IGF1R: variants seen among roughly 807,000 people sequenced by gnomAD.
IGF1R encodes insulin-like growth factor 1 receptor.
In IGF1R, 44 loss-of-function variants were observed where a neutral mutation model predicts 144.6. The ratio of observed to expected loss-of-function variants is 0.30; its 90% CI spans 0.24 to 0.39. IGF1R has a LOEUF of 0.39. IGF1R is among the 10% of genes least tolerant of loss of function. The pLI is 1.00. For synonymous variants in IGF1R, 795 were observed against 722.8 expected (o/e 1.10, Z -1.60); for missense variants, 1,355 against 1,833.7 (o/e 0.74, Z 4.77).
At chr15:98,723,143 T>C (rs904994848) in intron 2 of IGF1R, among the ~76,000 whole-genome samples, 3 of 151,966 alleles carry the variant, frequency 2.0e-5, no homozygotes, top group African/African-American at 4.8e-5. Context: ...ATGAGTTTCG[T>C]ACATGTTTAG....
intron 1 of IGF1R, among the ~76,000 whole-genome samples, chr15:98,657,926 G>A (rs1036900085): frequency 2.0e-5 from 3 of 152,190 alleles, no homozygotes; most frequent in Admixed American, 6.5e-5. Flanking sequence ...GCCTGGTCCA[G>A]TGCAGACCTG....
intron 8 of IGF1R, among the ~76,000 whole-genome samples, chr15:98,915,673 C>T (rs28612945): frequency 0.18 from 26,744 of 152,196 alleles, 2,471 homozygotes; most frequent in Non-Finnish European, 0.2. Context: ...TAGATTTTCA[C>T]ATTGTCTCTT....
chr15:98,680,845 G>T lies in IGF1R; in HGVS notation c.95-26717G>T, dbSNP rs2053168461. Among the ~76,000 whole-genome samples the T allele has an allele frequency of 2.0e-5, 3 of 148,510 alleles. No individual in the cohort carries two copies. The South Asian group carries it at 6.4e-4, about 32-fold the overall frequency. ...CCTCTGAAGTGCTGAGATTATAGGT[G>T]TGAGCCTGGCCATATGTACTTTTTT... On this transcript the variant is annotated intron_variant, in intron 1 of 20. Transcript: ENST00000650285.
intron 5 of IGF1R, among the ~76,000 whole-genome samples, chr15:98,901,803 G>A: frequency 6.6e-6 from 1 of 152,196 alleles, no homozygotes; most frequent in Non-Finnish European, 1.5e-5. Context: ...AAAACTTGAG[G>A]AAAGCAGAGG....
chr15:98,876,149 T>C (rs542791508), intron 2 of IGF1R, among the ~76,000 whole-genome samples: 4 of 152,270 alleles, frequency 2.6e-5, no homozygotes, highest in East Asian at 1.9e-4. Flanking sequence ...CCCAGATGTT[T>C]CCTAATTAAT....
chr15:98,663,966 C>T (rs1330434968), intron 1 of IGF1R, among the ~76,000 whole-genome samples: 1 of 152,198 alleles, frequency 6.6e-6, no homozygotes, highest in Non-Finnish European at 1.5e-5. Context: ...GAAGCAATTG[C>T]CCATCCTTAG....
In IGF1R at chr15:98,961,896, G is replaced by A. The variant is rs779922726; in HGVS notation, c.*4454G>A. The stretch of plus-strand genomic sequence containing the variant: ...TTAAGATGCGGAGTCACATTTCAAT[G>A]GTACGAAAAGTGGCTTCGTAAAATA... On this transcript the variant is annotated 3_prime_UTR_variant, in exon 21 of 21. Coordinates refer to ENST00000650285, the MANE Select transcript of IGF1R (RefSeq NM_000875.5). The A allele has an allele frequency of 8.6e-6, 2 of 233,306 alleles. No individual in the cohort carries two copies. Among genetic ancestry groups the A allele is most frequent in the Non-Finnish European group, 8.5e-6 (1 of 118,056 alleles). The allele number at this position is 233,306 out of a possible 1,614,324, so 14.5% of individuals were successfully genotyped here. A position where few individuals can be genotyped will look rare whatever the true frequency, so the allele number is the denominator to read the frequency against.
intron 1 of IGF1R, among the ~76,000 whole-genome samples, chr15:98,652,984 G>A (rs1240155035): frequency 2.0e-5 from 3 of 146,916 alleles, no homozygotes; most frequent in Non-Finnish European, 4.5e-5. Flanking sequence ...AACTTGTTAT[G>A]CTACCTTAAA....
At chr15:98,802,031 T>G (rs562383525) in intron 2 of IGF1R, among the ~76,000 whole-genome samples, 1 of 152,206 alleles carries the variant, frequency 6.6e-6, no homozygotes, top group Admixed American at 6.5e-5. Context: ...TTCTCCTGCA[T>G]GGGGTCATGT....
At chr15:98,829,485 G>T (rs2056962777) in intron 2 of IGF1R, among the ~76,000 whole-genome samples, 1 of 152,186 alleles carries the variant, frequency 6.6e-6, no homozygotes, top group Admixed American at 6.5e-5. Context: ...TTCTAAGAAT[G>T]CATTTGCAAG....
intron 2 of IGF1R, among the ~76,000 whole-genome samples, chr15:98,796,890 G>C (rs528044700): frequency 2.2e-4 from 34 of 152,352 alleles, no homozygotes; most frequent in African/African-American, 8.2e-4. Flanking sequence ...CACTGGATGT[G>C]TTCGAAGGCT....
chr15:98,649,517 T>C lies in IGF1R; in HGVS notation c.-65T>C. On this transcript the variant is annotated 5_prime_UTR_variant, in exon 1 of 21. Transcript: ENST00000650285. Reference sequence around the variant, plus strand: ...GTTTCCTTTCATTTCCTTTTTTTCTTTTCTTTTCTTTTTTTTTTTTTTTTT... The same window carrying C: ...GTTTCCTTTCATTTCCTTTTTTTCTCTTCTTTTCTTTTTTTTTTTTTTTTT... 1 of 921,718 alleles carries C rather than the reference T, an allele frequency of 1.1e-6. No individual in the cohort carries two copies. The highest frequency in any genetic ancestry group is 1.6e-6 in the Non-Finnish European group (1 of 634,962). The allele number at this position is 921,718 out of a possible 1,614,324, so 57.1% of individuals were successfully genotyped here.
chr15:98,838,102 T>C (rs1334014334), intron 2 of IGF1R, among the ~76,000 whole-genome samples: 1 of 152,202 alleles, frequency 6.6e-6, no homozygotes, highest in Non-Finnish European at 1.5e-5. Context: ...ATTGGACAGG[T>C]TTGGGGTTCA....
At chr15:98,779,056 T>G (rs1374270892) in intron 2 of IGF1R, among the ~76,000 whole-genome samples, 1 of 152,226 alleles carries the variant, frequency 6.6e-6, no homozygotes, top group East Asian at 1.9e-4. Flanking sequence ...CTAGCATCAC[T>G]GTCAGATAAT....
chr15:98,821,563 G>A (rs1024217689), intron 2 of IGF1R, among the ~76,000 whole-genome samples: 3 of 152,176 alleles, frequency 2.0e-5, no homozygotes, highest in Admixed American at 6.5e-5. Context: ...TGAGGGAGGC[G>A]TTAAATGTGC....
At chr15:98,950,170 G>A (rs1359890190) in intron 20 of IGF1R, among the ~76,000 whole-genome samples, 1 of 152,160 alleles carries the variant, frequency 6.6e-6, no homozygotes, top group Admixed American at 6.5e-5. Flanking sequence ...CTGCATGAAG[G>A]CACCCAGCTC....
intron 5 of IGF1R, among the ~76,000 whole-genome samples, chr15:98,902,331 C>T (rs543257139): frequency 6.6e-6 from 1 of 152,038 alleles, no homozygotes; most frequent in Non-Finnish European, 1.5e-5. Context: ...GGTTTTTTTT[C>T]CTAAATATTT....
intron 10 of IGF1R, among the ~76,000 whole-genome samples, chr15:98,917,850 G>A (rs1490878949): frequency 6.6e-6 from 1 of 152,122 alleles, no homozygotes; most frequent in Non-Finnish European, 1.5e-5. Context: ...GGAGGGGAAT[G>A]GGAATTATTC....
intron 2 of IGF1R, among the ~76,000 whole-genome samples, chr15:98,889,827 C>T (rs1450896643): frequency 3.3e-5 from 5 of 152,128 alleles, no homozygotes; most frequent in Non-Finnish European, 7.4e-5. Context: ...ATTCTAGAAT[C>T]TCCACTCAAT....
Sources: allele counts gnomAD v4.1 joint callset (sites outside exome capture counted in the v4.1 genomes callset), GRCh38; gene constraint gnomAD v4.1.1; transcripts MANE v1.5; gene names NCBI Gene and HGNC (gene_info 2026-07-23, HGNC 2026-07-21).